Variants in MYO1C observed in about 807,000 individuals in gnomAD.
The protein encoded by MYO1C is myosin IC, also known as unconventional myosin-Ic.
A neutral mutation model predicts 150.8 loss-of-function variants in MYO1C; 104 were observed. The ratio of observed to expected loss-of-function variants is 0.69; its 90% CI spans 0.59 to 0.81. The LOEUF (loss-of-function observed/expected upper bound fraction) is 0.81, where lower values mean the gene tolerates loss of function less well. Ranked by LOEUF, MYO1C falls within the 30% of genes least tolerant of loss-of-function variation. The pLI, the probability that MYO1C is intolerant of heterozygous loss-of-function variation, is 0.00. For missense variants in MYO1C, 1,504 were observed against 1,435.0 expected, an observed-to-expected ratio of 1.05 and a Z score of -0.78; for synonymous variants, 663 against 579.9, an observed-to-expected ratio of 1.14 and a Z score of -2.06.
At chr17:1,472,861 C>T (rs2074332195) in intron 17 of MYO1C, among the ~76,000 whole-genome samples, 3 of 151,242 alleles carry the variant, frequency 2.0e-5, no homozygotes, top group South Asian at 4.1e-4. Flanking sequence ...CTAAGTACTC[C>T]GGCAAGATCC....
In MYO1C at chr17:1,478,245, A is replaced by C; in HGVS notation, c.1296-53T>G. ...GGCTCAGTGGGGACACAGGACCAGG[A>C]GAGGGGAAAAGCTGGACGACGCCCC... is the stretch of plus-strand genomic sequence containing the variant. On this transcript the variant is annotated intron_variant, in intron 11 of 31. Coordinates refer to ENST00000648651, the MANE Select transcript of MYO1C (RefSeq NM_001080779.2). The surrounding 1 kb of genome is among the most constrained non-coding windows in gnomAD (Gnocchi z 6.3). 1 of 1,585,614 alleles carries C rather than the reference A, an allele frequency of 6.3e-7. No individual in the cohort carries two copies. Among genetic ancestry groups the C allele is most frequent in the East Asian group, 2.2e-5 (1 of 44,768 alleles).
rs2074442507 is a variant in MYO1C at position 1,478,317 on chromosome 17, G to A, written c.1295+93C>T. ...ACAGAGACAGTCCCCGGCTGGCTGG[G>A]GAGTCACAGGGCAGGAATGAGAGGC... On this transcript the variant is annotated intron_variant, in intron 11 of 31. Transcript: ENST00000648651. The surrounding 1 kb of genome is among the most constrained non-coding windows in gnomAD (Gnocchi z 6.3). The A allele has an allele frequency of 1.9e-6, 3 of 1,569,060 alleles. No individual in the cohort carries two copies. Among genetic ancestry groups the A allele is most frequent in the African/African-American group, 1.4e-5 (1 of 73,918 alleles).
rs972987939 is a variant in MYO1C, at chr17:1,478,195, G to A, written c.1296-3C>T. On this transcript the variant is annotated splice_polypyrimidine_tract_variant and splice_region_variant and intron_variant, in intron 11 of 31. Coordinates refer to ENST00000648651, the MANE Select transcript of MYO1C (RefSeq NM_001080779.2). The surrounding 1 kb of genome is among the most constrained non-coding windows in gnomAD (Gnocchi z 6.3). Reference sequence around the variant, plus strand: ...AATTGATGCAGAACTGCTCAAAGCTGTAAGGAAGGAGAAGAGCCCACAGTG... The same window carrying A: ...AATTGATGCAGAACTGCTCAAAGCTATAAGGAAGGAGAAGAGCCCACAGTG... 30 of 1,613,354 alleles carry A rather than the reference G, an allele frequency of 1.9e-5. No individual in the cohort carries two copies. The highest frequency in any genetic ancestry group is 2.4e-5 in the Non-Finnish European group (28 of 1,179,888).
chr17:1,488,164 T>G (rs1354965786), intron 1 of MYO1C, among the ~76,000 whole-genome samples: 2 of 151,924 alleles, frequency 1.3e-5, no homozygotes, highest in Admixed American at 6.5e-5. Context: ...GCCCCGCCCC[T>G]CCACGTCACG....
At chr17:1,468,549 G>T (rs550128840) in intron 25 of MYO1C, 53 bp from the exon 26 acceptor site, 48 of 1,455,316 alleles carry the variant, frequency 3.3e-5, no homozygotes, top group South Asian at 1.5e-4. Flanking sequence ...CACCATCTTG[G>T]GGGGGCAGAG....
intron 1 of MYO1C, chr17:1,491,527 C>T: frequency 1.5e-6 from 1 of 688,120 alleles, no homozygotes; most frequent in Non-Finnish European, 1.8e-6. Context: ...TCGTGCACGG[C>T]GGCTCCCGGC....
chr17:1,468,528 A>T, intron 25 of MYO1C, 32 bp from the exon 26 acceptor site: 4 of 1,563,132 alleles, frequency 2.6e-6, no homozygotes, highest in Non-Finnish European at 3.5e-6. Flanking sequence ...GGAGAGTGTC[A>T]TGGTGGGGAG....
intron 1 of MYO1C, among the ~76,000 whole-genome samples, chr17:1,488,230 C>T (rs1375002537): frequency 6.6e-6 from 1 of 152,084 alleles, no homozygotes; most frequent in African/African-American, 2.4e-5. Flanking sequence ...TCTTCCAGTT[C>T]CCGGGCCGCG....
At chr17:1,469,454 A>C (rs1317314992) in intron 25 of MYO1C, 77 bp downstream of exon 25, 2 of 1,348,930 alleles carry the variant, frequency 1.5e-6, no homozygotes, top group Non-Finnish European at 2.1e-6. Context: ...ATGCCCCTCC[A>C]GGCGGACACC....
rs557106289 is a variant in MYO1C, at chr17:1,464,815, C to CTTTT, written c.*907_*910dup. The stretch of plus-strand genomic sequence containing the variant: ...ATGATGAGGACAGTAAAAGGGCGTT[C>CTTTT]TTTTTTTTTTTTTTTAAGACGGAGT... On this transcript the variant is annotated 3_prime_UTR_variant, in exon 32 of 32. Coordinates refer to ENST00000648651, the MANE Select transcript of MYO1C (RefSeq NM_001080779.2). The CTTTT allele has an allele frequency of 1.2e-4, 17 of 144,116 alleles. No homozygotes were observed. The highest frequency in any genetic ancestry group is 2.6e-4 in the African/African-American group (10 of 38,790). 8.9% of individuals were successfully genotyped at this position (144,116 alleles called of 1,614,324 possible).
chr17:1,484,523 G>A, intron 1 of MYO1C: 1 of 619,096 alleles, frequency 1.6e-6, no homozygotes, highest in South Asian at 1.9e-5. Flanking sequence ...TCCCAGTGTG[G>A]CAGCAGAGGG....
chr17:1,484,872 T>TTCCCCCCCCCC, intron 1 of MYO1C: 2 of 341,198 alleles, frequency 5.9e-6, no homozygotes, highest in South Asian at 2.2e-5. Flanking sequence ...GGGCCGTCTC[T>TTCCCCCCCCCC]CCCACCCAGA....
In MYO1C at chr17:1,479,725, G is replaced by A; in HGVS notation, c.907-20C>T. ...CAGGTCCTGGGGGAGCAGGCCGGGG[G>A]CAGGAGGGGGTGAGAGGGGCCAGAG... On this transcript the variant is annotated intron_variant, in intron 7 of 31. Coordinates refer to ENST00000648651, the MANE Select transcript of MYO1C (RefSeq NM_001080779.2). This position sits in a 1 kb window ranked among gnomAD's most constrained non-coding sequence, Gnocchi z 4.2. 2 of 1,582,344 alleles carry A rather than the reference G, an allele frequency of 1.3e-6. No individual in the cohort carries two copies. Among genetic ancestry groups the A allele is most frequent in the Non-Finnish European group, 1.7e-6 (2 of 1,159,554 alleles).
In MYO1C at chr17:1,468,027, C is replaced by G. The variant is rs1194770983; in HGVS notation, c.2857G>C (p.Ala953Pro). 6.2e-7 allele frequency: 1 copy of G among 1,612,814 alleles called. No homozygotes were observed. Among genetic ancestry groups the G allele is most frequent in the Non-Finnish European group, 8.5e-7 (1 of 1,179,890 alleles). ...TPNAVVIVED[A>P]KVKQRIDYAN... ...TAATCAATCCTCTGCTTGACTTTGGCGTCCTCCACGATGACGACGGCGTTG... is the reference window on the plus strand; with the variant it reads ...TAATCAATCCTCTGCTTGACTTTGGGGTCCTCCACGATGACGACGGCGTTG... Residue 953 changes from alanine (A) to proline (P), a missense_variant, in exon 28 of 32, where the codon GCC (alanine) becomes CCC (proline). Ala to Pro is a conservative substitution (Grantham distance 27). Transcript: ENST00000648651.
Position 1,474,765 on chromosome 17 carries a change from T to G in MYO1C, c.1716+47A>C, listed in dbSNP as rs372979236. 4.6e-5 allele frequency: 74 copies of G among 1,611,864 alleles called. No individual in the cohort carries two copies. In the African/African-American group the frequency reaches 8.1e-4, roughly 18 times the overall value. On this transcript the variant is annotated intron_variant, in intron 16 of 31. Coordinates refer to ENST00000648651, the MANE Select transcript of MYO1C (RefSeq NM_001080779.2). ...AGGCTCCTGGACACAGGTGCAGAGC[T>G]GTGGGCTATCCCCACCCCCACCCCG...
At chr17:1,466,437 T>C (rs900817411) in intron 31 of MYO1C, among the ~76,000 whole-genome samples, 1 of 151,720 alleles carries the variant, frequency 6.6e-6, no homozygotes, top group Non-Finnish European at 1.5e-5. Flanking sequence ...TTTAAGCGAT[T>C]CTCCTGCCTC....
chr17:1,484,872 T>TGCCC, intron 1 of MYO1C: 1 of 341,196 alleles, frequency 2.9e-6, no homozygotes, highest in South Asian at 2.2e-5. Context: ...GGGCCGTCTC[T>TGCCC]CCCACCCAGA....
intron 3 of MYO1C, 44 bp downstream of exon 3, chr17:1,483,566 A>G (rs1396744919): frequency 2.8e-6 from 4 of 1,432,038 alleles, no homozygotes; most frequent in Non-Finnish European, 2.9e-6. Context: ...GTCACCTCAG[A>G]TGGAGACAGA....
Position 1,482,995 on chromosome 17 carries a change from T to C in MYO1C, c.412A>G (p.Ile138Val), listed in dbSNP as rs933033932. The C allele has an allele frequency of 6.2e-7, 1 of 1,612,354 alleles. No homozygotes were observed. The highest frequency in any genetic ancestry group is 1.3e-5 in the African/African-American group (1 of 74,782). Reference protein sequence around the residue: ...RTERRDQAVMISGESGAGKTE... With the variant: ...RTERRDQAVMVSGESGAGKTE... The stretch of plus-strand genomic sequence containing the variant: ...TTGCCTGCCCCGCTCTCCCCAGAGA[T>C]CATCACAGCCTGGTCCCGACGCTCC... The change falls in exon 4 of 32, where the codon ATC becomes GTC. Residue 138 changes from isoleucine to valine, a missense_variant. Transcript: ENST00000648651.
Sources: allele counts gnomAD v4.1 joint callset (sites outside exome capture counted in the v4.1 genomes callset), GRCh38; gene constraint gnomAD v4.1.1; non-coding constraint Gnocchi (gnomAD v3.1); transcripts MANE v1.5; gene names NCBI Gene and HGNC (gene_info 2026-07-23, HGNC 2026-07-21).